Variants in HERC1 observed in about 807,000 individuals in gnomAD.
HERC1 encodes probable E3 ubiquitin-protein ligase HERC1.
Under a neutral mutation model 554.3 loss-of-function variants are expected in HERC1, and 160 were observed. The ratio of observed to expected loss-of-function variants is 0.29; its 90% CI spans 0.25 to 0.33. The LOEUF is 0.33. Ranked by LOEUF, HERC1 falls within the 10% of genes least tolerant of loss-of-function variation. The pLI, the probability that HERC1 is intolerant of heterozygous loss-of-function variation, is 1.00. For missense variants in HERC1, 4,919 were observed against 5,918.5 expected, an observed-to-expected ratio of 0.83 and a Z score of 5.54; for synonymous variants, 2,175 against 2,131.7, an observed-to-expected ratio of 1.02 and a Z score of -0.56.
Position 63,649,800 on chromosome 15 carries a change from A to T in HERC1, c.10672T>A (p.Ser3558Thr). The T allele has an allele frequency of 6.2e-7, 1 of 1,613,636 alleles. No individual in the cohort carries two copies. Among genetic ancestry groups the T allele is most frequent in the Non-Finnish European group, 8.5e-7 (1 of 1,179,796 alleles). Residue 3558 changes from serine (S) to threonine (T), a missense_variant, in exon 54 of 78, where the codon TCT (serine) becomes ACT (threonine). Coordinates refer to ENST00000443617, the MANE Select transcript of HERC1 (RefSeq NM_003922.4). ...ELLLVGRMDG[S>T]LGLIEVVDVS... is the part of the protein sequence containing the mutation. ...TCAACAACTTCAATCAGTCCCAGAG[A>T]TCCATCCATCCGTCCCACCAACAAC...
intron 1 of HERC1, among the ~76,000 whole-genome samples, chr15:63,829,112 TG>T (rs1175565339): frequency 2.0e-5 from 3 of 152,026 alleles, no homozygotes. Context: ...TATGAACCCA[TG>T]GTTTTAAATA....
intron 44 of HERC1, 146 bp downstream of exon 44, chr15:63,662,835 AACC>A: frequency 3.3e-6 from 2 of 605,716 alleles, no homozygotes; most frequent in Non-Finnish European, 5.8e-6. Flanking sequence ...GTATCAAAGT[AACC>A]TCATAACTTT....
rs765776678 is a variant in HERC1, at chr15:63,611,320, A to C, written c.14400+931T>G. ...TCGGAGTCAACAAAGGGGGTCTCTG[A>C]AAGGTCTAAAAGGAGGAGAGTGACA... On this transcript the variant is annotated intron_variant, in intron 77 of 77. Transcript: ENST00000443617. Among the ~76,000 whole-genome samples the C allele has an allele frequency of 1.3e-4, 20 of 152,302 alleles. No homozygotes were observed. The Middle Eastern group carries it at 0.017, about 130-fold the overall frequency.
chr15:63,807,014 G>A (rs1373374575), intron 1 of HERC1, among the ~76,000 whole-genome samples: 3 of 152,208 alleles, frequency 2.0e-5, no homozygotes, highest in African/African-American at 7.2e-5. Flanking sequence ...CCAAAGTGCT[G>A]GGATTACAGG....
intron 2 of HERC1, among the ~76,000 whole-genome samples, chr15:63,773,037 C>T (rs2075998283): frequency 6.6e-6 from 1 of 152,102 alleles, no homozygotes; most frequent in African/African-American, 2.4e-5. Flanking sequence ...CTACTTGTTG[C>T]GGGTAGGGGG....
chr15:63,647,357 C>T (rs1188341083), intron 55 of HERC1, among the ~76,000 whole-genome samples: 1 of 151,414 alleles, frequency 6.6e-6, no homozygotes, highest in African/African-American at 2.4e-5. Context: ...CAACAGATGT[C>T]GGCAAGAAAG....
Position 63,654,284 on chromosome 15 carries a change from G to C in HERC1, c.10125C>G (p.Leu3375=). The change falls in exon 51 of 78, where the codon CTC becomes CTG. Residue 3375 remains leucine (L), a synonymous_variant. Coordinates refer to ENST00000443617, the MANE Select transcript of HERC1 (RefSeq NM_003922.4). ...ELANALAACC[L]SSRLSSQHRQ... ...GATGCTGTGAGGACAGCCTGGAGGA[G>C]AGGCAGCAGGCTGCCAGGGCATTAG... is the stretch of plus-strand genomic sequence containing the variant. 1 of 1,613,968 alleles carries C rather than the reference G, an allele frequency of 6.2e-7. No individual in the cohort carries two copies. Among genetic ancestry groups the C allele is most frequent in the Non-Finnish European group, 8.5e-7 (1 of 1,179,860 alleles).
At chr15:63,649,302 G>A (rs759972515) in intron 54 of HERC1, among the ~76,000 whole-genome samples, 19 of 152,094 alleles carry the variant, frequency 1.2e-4, no homozygotes, top group Non-Finnish European at 2.2e-4. Context: ...GCAGTGAGCC[G>A]AGATCGCGCC....
intron 1 of HERC1, among the ~76,000 whole-genome samples, chr15:63,801,330 G>GA (rs1331228552): frequency 1.3e-5 from 2 of 152,208 alleles, no homozygotes; most frequent in South Asian, 4.1e-4. Context: ...ACTGGCATCT[G>GA]AAGTATGAGT....
Position 63,618,090 on chromosome 15 carries a change from T to G in HERC1, c.13689-1408A>C, listed in dbSNP as rs1236653381. On this transcript the variant is annotated intron_variant, in intron 74 of 77. Transcript: ENST00000443617. ...CATGAAGTCCTTGCCCATGCCTATGTCCTGAATGGTAATGCCTAGGCTTTC... is the reference window on the plus strand; with the variant it reads ...CATGAAGTCCTTGCCCATGCCTATGGCCTGAATGGTAATGCCTAGGCTTTC... Among the ~76,000 whole-genome samples the G allele has an allele frequency of 2.6e-5, 4 of 152,164 alleles. No individual in the cohort carries two copies. The East Asian group carries it at 7.7e-4, about 29-fold the overall frequency.
intron 3 of HERC1, among the ~76,000 whole-genome samples, chr15:63,759,045 T>C (rs1268811309): frequency 6.6e-6 from 1 of 152,192 alleles, no homozygotes; most frequent in African/African-American, 2.4e-5. Flanking sequence ...TTTCCTTTAA[T>C]AGGGCATTTA....
chr15:63,724,238 C>G (rs2140660203), intron 18 of HERC1, among the ~76,000 whole-genome samples: 1 of 152,286 alleles, frequency 6.6e-6, no homozygotes, highest in Non-Finnish European at 1.5e-5. Flanking sequence ...TCCTTTAGGA[C>G]TGTCACAAGG....
intron 1 of HERC1, among the ~76,000 whole-genome samples, chr15:63,827,019 G>A (rs907760781): frequency 6.6e-6 from 1 of 151,472 alleles, no homozygotes; most frequent in African/African-American, 2.4e-5. Context: ...CGGTTCTAAC[G>A]ATACCAAAAT....
chr15:63,643,303 T>C, intron 58 of HERC1, 101 bp downstream of exon 58: 1 of 1,027,364 alleles, frequency 9.7e-7, no homozygotes, highest in Non-Finnish European at 1.4e-6. Flanking sequence ...ATTCAAGAGA[T>C]TACTATATAA....
intron 74 of HERC1, among the ~76,000 whole-genome samples, chr15:63,617,964 A>G (rs1404130639): frequency 1.3e-5 from 2 of 151,510 alleles, no homozygotes; most frequent in African/African-American, 2.4e-5. Context: ...TCGCCTGTTC[A>G]CTCTGATGGT....
At chr15:63,810,308 G>A (rs2077262761) in intron 1 of HERC1, among the ~76,000 whole-genome samples, 1 of 152,012 alleles carries the variant, frequency 6.6e-6, no homozygotes, top group South Asian at 2.1e-4. Flanking sequence ...AAAATGTGGT[G>A]TATACACATA....
intron 1 of HERC1, among the ~76,000 whole-genome samples, chr15:63,824,096 C>T (rs2077799275): frequency 6.6e-6 from 1 of 152,078 alleles, no homozygotes; most frequent in African/African-American, 2.4e-5. Flanking sequence ...TGAGGTATCA[C>T]CTGACACCTG....
At chr15:63,832,658 G>C (rs1226728533) in intron 1 of HERC1, among the ~76,000 whole-genome samples, 2 of 152,114 alleles carry the variant, frequency 1.3e-5, no homozygotes, top group Non-Finnish European at 2.9e-5. Context: ...AAACCACTTA[G>C]CTAACAATCA....
At chr15:63,699,951 A>C (rs1013526050) in intron 25 of HERC1, among the ~76,000 whole-genome samples, 2 of 152,178 alleles carry the variant, frequency 1.3e-5, no homozygotes, top group African/African-American at 4.8e-5. Flanking sequence ...TCATTGGTCC[A>C]TGCATGGCCC....
Sources: allele counts gnomAD v4.1 joint callset (sites outside exome capture counted in the v4.1 genomes callset), GRCh38; gene constraint gnomAD v4.1.1; transcripts MANE v1.5; gene names NCBI Gene and HGNC (gene_info 2026-07-23, HGNC 2026-07-21).